CTNNA3: variants seen among roughly 807,000 people sequenced by gnomAD.
CTNNA3 encodes the protein catenin alpha-3.
A neutral mutation model predicts 95.7 loss-of-function variants in CTNNA3; 76 were observed. The ratio of observed to expected loss-of-function variants is 0.79; its 90% CI spans 0.66 to 0.96. The LOEUF (loss-of-function observed/expected upper bound fraction) is 0.96. Among genes scored for constraint, CTNNA3 ranks in the 40% least tolerant of loss-of-function variants. The pLI is 0.00. For synonymous variants in CTNNA3, 431 were observed against 374.4 expected, an observed-to-expected ratio of 1.15 and a Z score of -1.74; for missense variants, 1,191 against 1,089.8, an observed-to-expected ratio of 1.09 and a Z score of -1.31.
chr10:66,948,253 A>G (rs1848373575), intron 7 of CTNNA3, among the ~76,000 whole-genome samples: 1 of 152,194 alleles, frequency 6.6e-6, no homozygotes, highest in African/African-American at 2.4e-5. Context: ...AAAACCTGGT[A>G]GTTGAGGCAT....
intron 13 of CTNNA3, among the ~76,000 whole-genome samples, chr10:66,130,664 G>A (rs568928543): frequency 1.3e-5 from 2 of 151,832 alleles, no homozygotes; most frequent in Admixed American, 1.3e-4. Context: ...CCAACATGGT[G>A]AAACCCTGTC....
intron 5 of CTNNA3, among the ~76,000 whole-genome samples, chr10:67,362,868 T>G (rs1188227961): frequency 6.6e-6 from 1 of 151,920 alleles, no homozygotes; most frequent in Non-Finnish European, 1.5e-5. Context: ...CTGAAGTCTC[T>G]GCCAAAAGGT....
intron 7 of CTNNA3, among the ~76,000 whole-genome samples, chr10:66,931,776 C>T (rs1376514232): frequency 1.3e-5 from 2 of 152,004 alleles, no homozygotes; most frequent in African/African-American, 4.8e-5. Flanking sequence ...AGAATTGGTA[C>T]TGAAGGCTAG....
At chr10:66,665,513 T>C (rs1846420931) in intron 9 of CTNNA3, among the ~76,000 whole-genome samples, 1 of 152,232 alleles carries the variant, frequency 6.6e-6, no homozygotes, top group African/African-American at 2.4e-5. Context: ...ACATTCTTTG[T>C]ATAGGCTTAG....
At chr10:67,184,049 T>C (rs1249897555) in intron 6 of CTNNA3, among the ~76,000 whole-genome samples, 4 of 152,144 alleles carry the variant, frequency 2.6e-5, no homozygotes, top group African/African-American at 9.7e-5. Context: ...ATTGCCCTTG[T>C]TTAATAAGAG....
intron 11 of CTNNA3, among the ~76,000 whole-genome samples, chr10:66,429,331 G>C (rs2093273959): frequency 1.3e-5 from 2 of 152,138 alleles, no homozygotes; most frequent in South Asian, 4.1e-4. Flanking sequence ...GATACAAAGA[G>C]GAGCTGGTAT....
intron 11 of CTNNA3, among the ~76,000 whole-genome samples, chr10:66,496,332 T>C (rs2131951138): frequency 6.7e-6 from 1 of 149,284 alleles, no homozygotes; most frequent in South Asian, 2.1e-4. Flanking sequence ...AAAATAATGT[T>C]CTAAAAGTTG....
At position 66,556,186 on chromosome 10, in the gene CTNNA3, GAAT is replaced by G. The variant is rs539444891; in HGVS notation, c.1375-35416_1375-35414del. Among the ~76,000 whole-genome samples, 194 of 152,104 alleles carry G rather than the reference GAAT, an allele frequency of 1.3e-3. 3 individuals carry two copies. In the South Asian group the frequency reaches 0.013, roughly 10 times the overall value. On this transcript the variant is annotated intron_variant, in intron 10 of 17. Transcript: ENST00000433211. The stretch of plus-strand genomic sequence containing the variant: ...GATGATATCTCACACCTGTAAGGAT[GAAT>G]ATTATACAAAAAATGAAAGATTATA...
chr10:66,219,222 C>T (rs905366194), intron 13 of CTNNA3, among the ~76,000 whole-genome samples: 48 of 151,252 alleles, frequency 3.2e-4, no homozygotes, highest in African/African-American at 1.0e-3. Context: ...TGTGGGGTAT[C>T]GGGGGTGGGT....
Position 67,726,393 on chromosome 10 carries a change from T to TA in CTNNA3, c.-2+37040dup, listed in dbSNP as rs1489803909. 4.2e-3 allele frequency among the ~76,000 whole-genome samples: 187 copies of TA among 44,940 alleles called. 2 individuals are homozygous for TA. The highest frequency in any genetic ancestry group is 0.022 in the African/African-American group (164 of 7,328). The allele number at this position is 44,940 out of a possible 152,430, so 29.5% of individuals were successfully genotyped here. ...ATGATATTATATATGAAATTATATA[T>TA]ATTATATATTATATCATATATAATA... On this transcript the variant is annotated intron_variant, in intron 1 of 17. Coordinates refer to the CTNNA3 transcript ENST00000684154.
chr10:66,920,433 G>A (rs1256768059), intron 7 of CTNNA3, among the ~76,000 whole-genome samples: 5 of 152,090 alleles, frequency 3.3e-5, no homozygotes, highest in Admixed American at 2.6e-4. Flanking sequence ...ATGCAATCTC[G>A]CATTTAGATT....
chr10:66,389,662 T>G (rs1191377235), intron 11 of CTNNA3, among the ~76,000 whole-genome samples: 1 of 152,104 alleles, frequency 6.6e-6, no homozygotes, highest in Non-Finnish European at 1.5e-5. Flanking sequence ...AATAAAATTT[T>G]GAAATGCATT....
At chr10:66,628,404 G>A (rs1430927496) in intron 9 of CTNNA3, among the ~76,000 whole-genome samples, 1 of 151,934 alleles carries the variant, frequency 6.6e-6, no homozygotes, top group African/African-American at 2.4e-5. Flanking sequence ...GGTTATGGGG[G>A]GAAACACCTG....
At chr10:66,676,101 C>G (rs1398582685) in intron 9 of CTNNA3, among the ~76,000 whole-genome samples, 1 of 141,176 alleles carries the variant, frequency 7.1e-6, no homozygotes, top group African/African-American at 2.5e-5. Flanking sequence ...AGAGTTAAAA[C>G]CTTTAAAACA....
intron 7 of CTNNA3, among the ~76,000 whole-genome samples, chr10:66,839,051 CAA>C (rs1411401084): frequency 1.3e-5 from 2 of 151,452 alleles, no homozygotes; most frequent in African/African-American, 4.9e-5. Flanking sequence ...AAAACAGAAT[CAA>C]GAGTAAGTTC....
chr10:66,264,882 T>C (rs2091108137), intron 13 of CTNNA3, among the ~76,000 whole-genome samples: 1 of 151,962 alleles, frequency 6.6e-6, no homozygotes, highest in Admixed American at 6.6e-5. Context: ...GGGCAGACCT[T>C]CCTGCTCCTG....
intron 17 of CTNNA3, among the ~76,000 whole-genome samples, chr10:65,944,210 C>A (rs2077475341): frequency 6.6e-6 from 1 of 152,340 alleles, no homozygotes; most frequent in African/African-American, 2.4e-5. Flanking sequence ...CACAAATAGT[C>A]CCAATATTTG....
chr10:66,558,838 G>A (rs1318926143), intron 10 of CTNNA3, among the ~76,000 whole-genome samples: 2 of 152,084 alleles, frequency 1.3e-5, no homozygotes, highest in South Asian at 2.1e-4. Flanking sequence ...CACATTCACA[G>A]TTTTAATTAG....
chr10:67,544,560 A>G lies in CTNNA3; in HGVS notation c.293-4891T>C, dbSNP rs187028108. Among the ~76,000 whole-genome samples, 199 of 152,312 alleles carry G rather than the reference A, an allele frequency of 1.3e-3. 1 individual carries two copies. The highest frequency in any genetic ancestry group is 4.4e-3 in the African/African-American group (183 of 41,572). On this transcript the variant is annotated intron_variant, in intron 3 of 17. Transcript: ENST00000433211. The stretch of plus-strand genomic sequence containing the variant: ...GGGAAGAGATACACAGAGAAAGAAC[A>G]CTGATAATCTGCACATGCTCCCTCT...
Sources: gnomAD v4.1 joint callset for allele counts (sites outside exome capture counted in the v4.1 genomes callset) on GRCh38, gnomAD v4.1.1 for gene constraint, MANE v1.5 for transcripts, NCBI Gene and HGNC (gene_info 2026-07-23, HGNC 2026-07-21) for gene names.